The following NUP153 variants were observed in gnomAD, a reference collection of about 807,000 sequenced individuals.
The protein encoded by NUP153 is nucleoporin 153.
Under a neutral mutation model 134.6 loss-of-function variants are expected in NUP153, and 27 were observed. The ratio of observed to expected loss-of-function variants is 0.20; its 90% CI spans 0.15 to 0.28. NUP153 has a LOEUF of 0.28. Ranked by LOEUF, NUP153 falls within the 10% of genes least tolerant of loss-of-function variation. The probability of loss-of-function intolerance (pLI) is 1.00; values close to 1 mark genes in which losing one functional copy is unlikely to be tolerated. For synonymous variants in NUP153, 640 were observed against 623.5 expected (o/e 1.03, Z -0.40); for missense variants, 1,821 against 1,731.3 (o/e 1.05, Z -0.92).
chr6:17,691,528 GCCGAGT>G (rs1769273287), intron 1 of NUP153, among the ~76,000 whole-genome samples: 1 of 152,178 alleles, frequency 6.6e-6, no homozygotes, highest in South Asian at 2.1e-4. Context: ...ACTTTGGGAG[GCCGAGT>G]CTGGTGGATC....
intron 14 of NUP153, among the ~76,000 whole-genome samples, chr6:17,641,127 G>A (rs1321212069): frequency 6.6e-6 from 1 of 152,078 alleles, no homozygotes; most frequent in Non-Finnish European, 1.5e-5. Flanking sequence ...TATTTTTAAG[G>A]GGCGATTTCT....
In NUP153 at chr6:17,652,324, A is replaced by G. The variant is rs1247259464; in HGVS notation, c.1396-3024T>C. On this transcript the variant is annotated intron_variant, in intron 11 of 21. Coordinates refer to ENST00000262077, the MANE Select transcript of NUP153 (RefSeq NM_005124.4). ...CAATACATTTCAAAACACTGAAGTC[A>G]TAATCTCAATCTTTTTCTAATCACA... is the stretch of plus-strand genomic sequence containing the variant. Among the ~76,000 whole-genome samples the G allele has an allele frequency of 2.0e-5, 3 of 152,360 alleles. No homozygotes were observed. In the East Asian group the frequency reaches 5.8e-4, roughly 29 times the overall value.
chr6:17,647,937 A>G, intron 12 of NUP153, 32 bp from the exon 13 acceptor site: 1 of 1,363,696 alleles, frequency 7.3e-7, no homozygotes, highest in East Asian at 2.3e-5. Context: ...AAATGATACA[A>G]AAAGAGCTTT....
chr6:17,640,693 T>C (rs1765791128), intron 14 of NUP153, among the ~76,000 whole-genome samples: 1 of 152,318 alleles, frequency 6.6e-6, no homozygotes, highest in Admixed American at 6.5e-5. Context: ...CATAGCTTAA[T>C]GCATCCTCAA....
intron 11 of NUP153, among the ~76,000 whole-genome samples, chr6:17,649,931 T>A (rs1286916672): frequency 6.6e-6 from 1 of 152,100 alleles, no homozygotes; most frequent in Non-Finnish European, 1.5e-5. Flanking sequence ...GGGGGAGCAT[T>A]ATATGGTCTT....
In NUP153 at chr6:17,618,865, A is replaced by T. The variant is rs1473192682; in HGVS notation, c.4175-2170T>A. 2.0e-5 allele frequency among the ~76,000 whole-genome samples: 3 copies of T among 152,270 alleles called. 1 individual carries two copies. The East Asian group carries it at 5.8e-4, about 29-fold the overall frequency. ...ACAGGCGTGAGCCACTGCGCCCAGCAGAAGTTAAAATCTCAACAGAATGGT... is the reference window on the plus strand; with the variant it reads ...ACAGGCGTGAGCCACTGCGCCCAGCTGAAGTTAAAATCTCAACAGAATGGT... On this transcript the variant is annotated intron_variant, in intron 20 of 21. Coordinates refer to ENST00000262077, the MANE Select transcript of NUP153 (RefSeq NM_005124.4).
chr6:17,634,242 C>G (rs1438868826), intron 16 of NUP153, among the ~76,000 whole-genome samples: 1 of 152,142 alleles, frequency 6.6e-6, no homozygotes, highest in Non-Finnish European at 1.5e-5. Context: ...TTTTTCCTTT[C>G]TGGTTGCACC....
chr6:17,639,467 A>C (rs538794390), intron 15 of NUP153, among the ~76,000 whole-genome samples: 1 of 152,322 alleles, frequency 6.6e-6, no homozygotes, highest in East Asian at 1.9e-4. Context: ...AGAACTATTT[A>C]TCCCCTTTCT....
chr6:17,697,751 A>C (rs908158649), intron 1 of NUP153, among the ~76,000 whole-genome samples: 1 of 151,182 alleles, frequency 6.6e-6, no homozygotes, highest in African/African-American at 2.4e-5. Context: ...ACTAACTCAG[A>C]AACAGCTGGG....
chr6:17,643,328 C>A (rs982735993), intron 14 of NUP153, among the ~76,000 whole-genome samples: 8 of 152,084 alleles, frequency 5.3e-5, no homozygotes, highest in African/African-American at 1.9e-4. Flanking sequence ...AAAAATTAGC[C>A]AGGCATGGTG....
chr6:17,676,167 T>C (rs1768210159), intron 2 of NUP153, among the ~76,000 whole-genome samples: 1 of 152,224 alleles, frequency 6.6e-6, no homozygotes, highest in Non-Finnish European at 1.5e-5. Context: ...GTTGCTTTTA[T>C]TTCAATATGT....
intron 19 of NUP153, 37 bp from the exon 20 acceptor site, chr6:17,624,870 G>A: frequency 5.3e-6 from 8 of 1,509,000 alleles, no homozygotes; most frequent in Non-Finnish European, 7.1e-6. Flanking sequence ...CACCATGGTG[G>A]CTAATGTCAG....
At chr6:17,684,185 C>G (rs952053698) in intron 2 of NUP153, among the ~76,000 whole-genome samples, 1 of 152,190 alleles carries the variant, frequency 6.6e-6, no homozygotes, top group Non-Finnish European at 1.5e-5. Context: ...AAATAAGCCT[C>G]TTTTCTTTAT....
chr6:17,654,282 C>T (rs1457090276), intron 11 of NUP153, among the ~76,000 whole-genome samples: 1 of 152,058 alleles, frequency 6.6e-6, no homozygotes, highest in Non-Finnish European at 1.5e-5. Flanking sequence ...TTAAGGCACA[C>T]ACTTGTCCAC....
At chr6:17,635,443 C>G (rs546686290) in intron 16 of NUP153, among the ~76,000 whole-genome samples, 91 of 152,160 alleles carry the variant, frequency 6.0e-4, no homozygotes, top group African/African-American at 2.1e-3. Context: ...ACTCTGTCAC[C>G]CAGGCTGAAG....
intron 14 of NUP153, among the ~76,000 whole-genome samples, chr6:17,643,050 T>C (rs902215710): frequency 6.6e-6 from 1 of 152,118 alleles, no homozygotes; most frequent in Non-Finnish European, 1.5e-5. Context: ...TGGACAGGGG[T>C]TTCCTGGTGA....
rs1196884112 is a variant in NUP153, at chr6:17,638,611, C to A, written c.1847-841G>T. Among the ~76,000 whole-genome samples, 1 of 152,190 alleles carries A rather than the reference C, an allele frequency of 6.6e-6. No individual in the cohort carries two copies. Among genetic ancestry groups the A allele is most frequent in the Non-Finnish European group, 1.5e-5 (1 of 68,042 alleles). The stretch of plus-strand genomic sequence containing the variant: ...AAGATTGGCAAGATATTAACAGTAA[C>A]CATCTCAAGGCATTACAGATTTCTT... On this transcript the variant is annotated intron_variant, in intron 15 of 21. Coordinates refer to ENST00000262077, the MANE Select transcript of NUP153 (RefSeq NM_005124.4). The surrounding 1 kb of genome is among the most constrained non-coding windows in gnomAD (Gnocchi z 4.0).
At chr6:17,646,863 C>T (rs923869771) in intron 13 of NUP153, among the ~76,000 whole-genome samples, 3 of 151,574 alleles carry the variant, frequency 2.0e-5, no homozygotes, top group African/African-American at 7.3e-5. Flanking sequence ...TCTCAGCCTC[C>T]TGAGTAGTTG....
chr6:17,646,709 C>T (rs1191141059), intron 13 of NUP153, among the ~76,000 whole-genome samples: 1 of 151,670 alleles, frequency 6.6e-6, no homozygotes, highest in Non-Finnish European at 1.5e-5. Context: ...TTCCTAATGC[C>T]CAGTTCCAAT....
Sources: gnomAD v4.1 joint callset for allele counts (sites outside exome capture counted in the v4.1 genomes callset) on GRCh38, gnomAD v4.1.1 for gene constraint, Gnocchi (gnomAD v3.1) non-coding constraint, MANE v1.5 for transcripts, NCBI Gene and HGNC (gene_info 2026-07-23, HGNC 2026-07-21) for gene names.